FAXC: variants seen among roughly 807,000 people sequenced by gnomAD.
The protein encoded by FAXC is failed axon connections homolog.
A neutral mutation model predicts 41.9 loss-of-function variants in FAXC; 10 were observed. The observed-to-expected ratio is 0.24, with a 90% CI of 0.15 to 0.41. The LOEUF (loss-of-function observed/expected upper bound fraction) is 0.41, where lower values mean the gene tolerates loss of function less well. Ranked by LOEUF, FAXC falls within the 10% of genes least tolerant of loss-of-function variation. The probability of loss-of-function intolerance (pLI) is 1.00; values close to 1 mark genes in which losing one functional copy is unlikely to be tolerated. For synonymous variants in FAXC, 183 were observed against 183.8 expected, an observed-to-expected ratio of 1.00 and a Z score of 0.03; for missense variants, 399 against 510.9, an observed-to-expected ratio of 0.78 and a Z score of 2.11.
At chr6:99,324,869 T>C (rs1447965158) in intron 3 of FAXC, among the ~76,000 whole-genome samples, 15 of 152,096 alleles carry the variant, frequency 9.9e-5, no homozygotes, top group Admixed American at 7.9e-4. Flanking sequence ...CTGGCTGATA[T>C]AGCAGTAATG....
intron 4 of FAXC, among the ~76,000 whole-genome samples, chr6:99,305,682 A>G (rs1209334689): frequency 2.1e-5 from 3 of 145,738 alleles, no homozygotes; most frequent in Non-Finnish European, 4.5e-5. Flanking sequence ...GGTATTTTAT[A>G]TATTATACAT....
chr6:99,323,323 T>C, intron 4 of FAXC, 121 bp downstream of exon 4: 1 of 825,122 alleles, frequency 1.2e-6, no homozygotes. Flanking sequence ...GACTGCAATC[T>C]ACACATGGAA....
chr6:99,305,526 T>G (rs1420575225), intron 4 of FAXC, among the ~76,000 whole-genome samples: 1 of 152,070 alleles, frequency 6.6e-6, no homozygotes. Context: ...CCAGGCATAA[T>G]AATACTAATG....
At chr6:99,347,083 G>A (rs1313778631) in intron 1 of FAXC, among the ~76,000 whole-genome samples, 1 of 151,620 alleles carries the variant, frequency 6.6e-6, no homozygotes, top group Admixed American at 6.6e-5. Context: ...GCAACATAGT[G>A]AGACCCCATC....
intron 4 of FAXC, among the ~76,000 whole-genome samples, chr6:99,298,453 C>A (rs1562158715): frequency 6.6e-6 from 1 of 152,138 alleles, no homozygotes; most frequent in East Asian, 1.9e-4. Context: ...ATCCAAGAAT[C>A]TGCATTTCTA....
Position 99,315,232 on chromosome 6 carries a change from T to TAAAAAAA in FAXC, c.823+8205_823+8211dup, listed in dbSNP as rs1174982279. Among the ~76,000 whole-genome samples the TAAAAAAA allele has an allele frequency of 2.2e-4, 9 of 40,512 alleles. 1 individual carries two copies. Among genetic ancestry groups the TAAAAAAA allele is most frequent in the African/African-American group, 9.8e-4 (7 of 7,130 alleles). The allele number at this position is 40,512 out of a possible 152,430, so 26.6% of individuals were successfully genotyped here. On this transcript the variant is annotated intron_variant, in intron 4 of 5. Coordinates refer to ENST00000389677, the MANE Select transcript of FAXC (RefSeq NM_032511.4). ...TGGGCAACTGAGCAACACTCCATCT[T>TAAAAAAA]AAAAAAAAAAAAAAAAAAAAAAAAA...
At chr6:99,295,148 G>A (rs1481440910) in intron 4 of FAXC, among the ~76,000 whole-genome samples, 2 of 152,162 alleles carry the variant, frequency 1.3e-5, no homozygotes, top group African/African-American at 4.8e-5. Flanking sequence ...GTTTTCAAAG[G>A]TGCCTGCAAA....
chr6:99,349,380 G>A lies in FAXC; in HGVS notation c.-8C>T, dbSNP rs1344743662. On this transcript the variant is annotated 5_prime_UTR_variant, in exon 1 of 6. Coordinates refer to ENST00000389677, the MANE Select transcript of FAXC (RefSeq NM_032511.4). Reference sequence around the variant, plus strand: ...GCCAACCCCCCAGTGCATGCTGCGCGGCTGGCTCCGGGCGCCCCTCCCAGG... The same window carrying A: ...GCCAACCCCCCAGTGCATGCTGCGCAGCTGGCTCCGGGCGCCCCTCCCAGG... 6.3e-7 allele frequency: 1 copy of A among 1,598,150 alleles called. No individual in the cohort carries two copies. Among genetic ancestry groups the A allele is most frequent in the Non-Finnish European group, 8.5e-7 (1 of 1,172,786 alleles).
chr6:99,281,507 C>T, intron 5 of FAXC, 54 bp from the exon 6 acceptor site: 1 of 1,364,224 alleles, frequency 7.3e-7, no homozygotes, highest in Non-Finnish European at 1.0e-6. Flanking sequence ...CAGTCTACCA[C>T]TTCTATGGTC....
Position 99,276,260 on chromosome 6 carries a change from A to C in FAXC, c.*4904T>G, listed in dbSNP as rs1296863641. On this transcript the variant is annotated 3_prime_UTR_variant, in exon 6 of 6. Transcript: ENST00000389677. ...ACACTCAACAATTGTTCTATGAATG[A>C]ATGAATAAATGAATACAGGAAAACC... is the stretch of plus-strand genomic sequence containing the variant. 6.6e-6 allele frequency: 1 copy of C among 152,168 alleles called. No homozygotes were observed. The highest frequency in any genetic ancestry group is 1.5e-5 in the Non-Finnish European group (1 of 68,040). The allele number at this position is 152,168 out of a possible 1,614,324, so 9.4% of individuals were successfully genotyped here. A position where few individuals can be genotyped will look rare whatever the true frequency, so the allele number is the denominator to read the frequency against.
rs1770436245 is a variant in FAXC at position 99,272,263 on chromosome 6, C to T, written c.*8901G>A. On this transcript the variant is annotated 3_prime_UTR_variant, in exon 6 of 6. Coordinates refer to ENST00000389677, the MANE Select transcript of FAXC (RefSeq NM_032511.4). ...CAAAGTCAGCTCACTGCAGCCTCCA[C>T]CTCCTGGGTTCAAGCGATTCTCCTG... The T allele has an allele frequency of 6.6e-6, 1 of 151,952 alleles. No homozygotes were observed. The highest frequency in any genetic ancestry group is 2.1e-4 in the South Asian group (1 of 4,816). The allele number at this position is 151,952 out of a possible 1,614,324, so 9.4% of individuals were successfully genotyped here.
intron 1 of FAXC, among the ~76,000 whole-genome samples, chr6:99,348,031 G>T (rs539560929): frequency 6.6e-6 from 1 of 152,074 alleles, no homozygotes; most frequent in East Asian, 1.9e-4. Context: ...AAATATGTAC[G>T]TTAGGCCAAA....
chr6:99,301,318 T>C (rs976250067), intron 4 of FAXC, among the ~76,000 whole-genome samples: 11 of 152,260 alleles, frequency 7.2e-5, no homozygotes, highest in African/African-American at 2.4e-4. Context: ...AATCTCTATC[T>C]TCTACTCTGT....
intron 3 of FAXC, among the ~76,000 whole-genome samples, chr6:99,330,440 A>G (rs1027288636): frequency 1.3e-5 from 2 of 152,186 alleles, no homozygotes; most frequent in African/African-American, 2.4e-5. Context: ...CTTCAGTAAC[A>G]GTTTTTATAA....
intron 3 of FAXC, among the ~76,000 whole-genome samples, chr6:99,330,005 C>T (rs574789507): frequency 6.6e-6 from 1 of 151,622 alleles, no homozygotes; most frequent in Admixed American, 6.6e-5. Context: ...CTCAAAAGAT[C>T]CTCCCGCCTC....
At chr6:99,300,754 C>A (rs1266770073) in intron 4 of FAXC, among the ~76,000 whole-genome samples, 1 of 152,222 alleles carries the variant, frequency 6.6e-6, no homozygotes, top group East Asian at 1.9e-4. Flanking sequence ...ATCAAAGGAA[C>A]CAGCTGTTCT....
At chr6:99,315,978 C>T (rs1772335365) in intron 4 of FAXC, among the ~76,000 whole-genome samples, 1 of 152,128 alleles carries the variant, frequency 6.6e-6, no homozygotes, top group Middle Eastern at 3.2e-3. Context: ...GTATCACCAC[C>T]CAGGATCTAT....
At position 99,323,438 on chromosome 6, in the gene FAXC, C is replaced by A; in HGVS notation, c.823+6G>T. The A allele has an allele frequency of 1.9e-6, 3 of 1,611,232 alleles. No homozygotes were observed. The highest frequency in any genetic ancestry group is 2.5e-6 in the Non-Finnish European group (3 of 1,177,564). On this transcript the variant is annotated splice_donor_region_variant and intron_variant, in intron 4 of 5. Transcript: ENST00000389677. ...AAATATAGAAATAGAAGGTGTGGTA[C>A]ATTACCCAAAAGCCCTGCTAAAGAC...
chr6:99,313,421 CTTAT>C (rs777428440), intron 4 of FAXC, among the ~76,000 whole-genome samples: 1 of 152,092 alleles, frequency 6.6e-6, no homozygotes, highest in Non-Finnish European at 1.5e-5. Flanking sequence ...ATTCACTTTT[CTTAT>C]TTATTTATAA....
Sources: gnomAD v4.1 joint callset for allele counts (sites outside exome capture counted in the v4.1 genomes callset) on GRCh38, gnomAD v4.1.1 for gene constraint, MANE v1.5 for transcripts, NCBI Gene and HGNC (gene_info 2026-07-23, HGNC 2026-07-21) for gene names.